NBAS: variants seen among roughly 807,000 people sequenced by gnomAD.
NBAS encodes NAG/BC035112 fusion.
Under a neutral mutation model 302.5 loss-of-function variants are expected in NBAS, and 219 were observed. The observed-to-expected ratio is 0.72, with a 90% CI of 0.65 to 0.81. NBAS has a LOEUF of 0.81. Ranked by LOEUF, NBAS falls within the 30% of genes least tolerant of loss-of-function variation. The probability of loss-of-function intolerance (pLI) is 0.00; values close to 1 mark genes in which losing one functional copy is unlikely to be tolerated. For missense variants in NBAS, 2,932 were observed against 2,841.6 expected (o/e 1.03, Z -0.72); for synonymous variants, 1,118 against 1,021.6 (o/e 1.09, Z -1.80).
Position 15,238,593 on chromosome 2 carries a change from C to T in NBAS, c.5818G>A (p.Glu1940Lys), listed in dbSNP as rs767591703. 1.1e-5 allele frequency: 17 copies of T among 1,613,614 alleles called. No individual in the cohort carries two copies. Among genetic ancestry groups the T allele is most frequent in the Middle Eastern group, 3.3e-4 (2 of 6,082 alleles). Reference protein sequence around the residue: ...EKPRKRNSEDEAQEAKDSKVT... With the variant: ...EKPRKRNSEDKAQEAKDSKVT... ...TTAGAATCCTTAGCTTCTTGAGCTT[C>T]GTCTTCTGAGTTTCTTTTCCTTGGC... Residue 1940 changes from glutamate to lysine, a missense_variant, in exon 45 of 52, where the codon GAA (glutamate) becomes AAA (lysine). By Grantham distance (56) the Glu-to-Lys change is moderately conservative. Transcript: ENST00000281513.
chr2:15,394,396 A>T, intron 27 of NBAS, 47 bp from the exon 28 acceptor site: 1 of 1,602,188 alleles, frequency 6.2e-7, no homozygotes. Context: ...CCAAACAAAA[A>T]GAGTCTAAGA....
chr2:15,098,326 G>T, the NBAS span, among the ~76,000 whole-genome samples: 615 of 1,114 alleles, frequency 0.55, 254 homozygotes, highest in East Asian at 0.97. Context: ...TATCATATAT[G>T]ATATATTGTA....
intron 40 of NBAS, among the ~76,000 whole-genome samples, chr2:15,293,502 A>G (rs898183434): frequency 1.3e-5 from 2 of 152,192 alleles, no homozygotes; most frequent in Middle Eastern, 3.2e-3. Context: ...ATTTATTTAT[A>G]TTAAAGTTGG....
chr2:14,837,161 C>G, the NBAS span, among the ~76,000 whole-genome samples: 2 of 151,796 alleles, frequency 1.3e-5, no homozygotes, highest in African/African-American at 4.8e-5. Context: ...GTTCCTCTCA[C>G]CTTCCTGCAC....
At position 15,269,450 on chromosome 2, in the gene NBAS, C is replaced by T. The variant is rs905337310; in HGVS notation, c.5724+6034G>A. 3.3e-5 allele frequency among the ~76,000 whole-genome samples: 5 copies of T among 152,036 alleles called. No homozygotes were observed. The East Asian group carries it at 9.6e-4, about 29-fold the overall frequency. ...GGCTACTTTTGCTTACATTTTCTTC[C>T]AAGTGAACAAAGCGAGACTGTGACT... On this transcript the variant is annotated intron_variant, in intron 44 of 51. Coordinates refer to ENST00000281513, the MANE Select transcript of NBAS (RefSeq NM_015909.4).
chr2:15,391,530 AAC>A (rs1483041623), intron 28 of NBAS, among the ~76,000 whole-genome samples: 1 of 152,184 alleles, frequency 6.6e-6, no homozygotes, highest in Non-Finnish European at 1.5e-5. Context: ...ATAAACAAGT[AAC>A]ACAGTATTGA....
the NBAS span, among the ~76,000 whole-genome samples, chr2:15,059,112 G>A: frequency 6.6e-6 from 1 of 152,156 alleles, no homozygotes. Context: ...TGCAAAATCT[G>A]TCCCCAGACT....
the NBAS span, among the ~76,000 whole-genome samples, chr2:14,795,375 T>G: frequency 1.3e-5 from 2 of 152,106 alleles, no homozygotes; most frequent in African/African-American, 4.8e-5. Context: ...GCATGCTTAT[T>G]TGCTACCTAT....
At chr2:15,406,688 C>A (rs955484355) in intron 25 of NBAS, among the ~76,000 whole-genome samples, 1 of 151,744 alleles carries the variant, frequency 6.6e-6, no homozygotes, top group Non-Finnish European at 1.5e-5. Flanking sequence ...TGTAAGAATT[C>A]CTAAAAATTA....
chr2:15,019,914 T>A, the NBAS span, among the ~76,000 whole-genome samples: 3 of 152,238 alleles, frequency 2.0e-5, no homozygotes, highest in Non-Finnish European at 4.4e-5. Flanking sequence ...AATAAATTTC[T>A]GTTGTTTGCA....
chr2:15,549,618 C>G (rs1350683865), intron 6 of NBAS, among the ~76,000 whole-genome samples: 1 of 152,040 alleles, frequency 6.6e-6, no homozygotes, highest in Non-Finnish European at 1.5e-5. Flanking sequence ...GCCCCAGCCA[C>G]CTGGGAAACG....
At chr2:14,909,366 T>TAAAAAAAAAAAAAAA in the NBAS span, among the ~76,000 whole-genome samples, 2,226 of 78,176 alleles carry the variant, frequency 0.028, 214 homozygotes, top group Non-Finnish European at 0.037. Flanking sequence ...GGAGAGTTTC[T>TAAAAAAAAAAAAAAA]AAAAAAAAAA....
At chr2:14,898,365 C>T in the NBAS span, among the ~76,000 whole-genome samples, 4 of 152,124 alleles carry the variant, frequency 2.6e-5, no homozygotes, top group Admixed American at 2.6e-4. Context: ...CATGGCTAGT[C>T]ATTATGAAAT....
chr2:14,995,537 C>T, the NBAS span, among the ~76,000 whole-genome samples: 1 of 152,206 alleles, frequency 6.6e-6, no homozygotes, highest in Non-Finnish European at 1.5e-5. Flanking sequence ...CATCCTACAA[C>T]ATCACATGGA....
At chr2:14,785,092 G>T in the NBAS span, among the ~76,000 whole-genome samples, 1 of 152,134 alleles carries the variant, frequency 6.6e-6, no homozygotes, top group African/African-American at 2.4e-5. Context: ...TTGTGAATGG[G>T]AGTTCACTCT....
chr2:15,036,019 C>A, the NBAS span, among the ~76,000 whole-genome samples: 2 of 149,304 alleles, frequency 1.3e-5, no homozygotes, highest in African/African-American at 5.0e-5. Flanking sequence ...ATAAAGTATG[C>A]ACATATTTTA....
the NBAS span, among the ~76,000 whole-genome samples, chr2:14,881,220 C>CTA: frequency 6.6e-6 from 1 of 152,242 alleles, no homozygotes; most frequent in South Asian, 2.1e-4. Context: ...TGTGACATAT[C>CTA]TATGGCGGCC....
the NBAS span, among the ~76,000 whole-genome samples, chr2:14,999,356 T>C: frequency 3.3e-5 from 5 of 151,820 alleles, no homozygotes; most frequent in African/African-American, 4.8e-5. Flanking sequence ...TATGTACAGA[T>C]AAAAATCAGT....
the NBAS span, among the ~76,000 whole-genome samples, chr2:14,849,708 C>T: frequency 5.9e-4 from 83 of 140,398 alleles, no homozygotes; most frequent in African/African-American, 2.5e-3. Context: ...CAAAGGGAAG[C>T]CCATCAGACT....
Sources: gnomAD v4.1 joint callset for allele counts (sites outside exome capture counted in the v4.1 genomes callset) on GRCh38, gnomAD v4.1.1 for gene constraint, MANE v1.5 for transcripts, NCBI Gene and HGNC (gene_info 2026-07-23, HGNC 2026-07-21) for gene names.